Variants in PATJ observed in about 807,000 individuals in gnomAD.
The protein encoded by PATJ is PATJ crumbs cell polarity complex component.
A neutral mutation model predicts 224.9 loss-of-function variants in PATJ; 190 were observed. That is an observed-to-expected ratio of 0.84 (90% confidence interval 0.75 to 0.95). The LOEUF is 0.95. PATJ is among the 40% of genes least tolerant of loss of function. The probability of loss-of-function intolerance (pLI) is 0.00; values close to 1 mark genes in which losing one functional copy is unlikely to be tolerated. For synonymous variants in PATJ, 769 were observed against 820.3 expected (o/e 0.94, Z 1.07); for missense variants, 2,121 against 2,270.3 (o/e 0.93, Z 1.34).
chr1:62,073,251 G>A, intron 31 of PATJ: 1 of 985,252 alleles, frequency 1.0e-6, no homozygotes, highest in Non-Finnish European at 1.2e-6. Flanking sequence ...AGCCACAACT[G>A]TATCATTGAT....
chr1:61,869,284 T>C (rs868200418), intron 20 of PATJ, among the ~76,000 whole-genome samples: 4 of 151,488 alleles, frequency 2.6e-5, no homozygotes, highest in Admixed American at 6.6e-5. Flanking sequence ...TTTTTTGTAT[T>C]TTTAGTAGAG....
intron 31 of PATJ, among the ~76,000 whole-genome samples, chr1:62,072,221 T>TA: frequency 6.6e-6 from 1 of 152,348 alleles, no homozygotes; most frequent in African/African-American, 2.4e-5. Flanking sequence ...AAGTCTGGAT[T>TA]CTGCACTCCT....
intron 27 of PATJ, among the ~76,000 whole-genome samples, chr1:61,977,472 G>A (rs919759805): frequency 1.3e-5 from 2 of 152,022 alleles, no homozygotes; most frequent in Non-Finnish European, 2.9e-5. Context: ...CTTTCCCAGT[G>A]TAAGAAAAAG....
chr1:61,848,597 T>C (rs1455156544), intron 17 of PATJ, among the ~76,000 whole-genome samples: 2 of 152,092 alleles, frequency 1.3e-5, no homozygotes, highest in African/African-American at 4.8e-5. Flanking sequence ...TTAATGTTTT[T>C]TAGAGACAAA....
At chr1:62,012,375 T>C (rs1646505466) in intron 28 of PATJ, among the ~76,000 whole-genome samples, 1 of 152,240 alleles carries the variant, frequency 6.6e-6, no homozygotes. Flanking sequence ...AATGAGATAC[T>C]GTGCATAATG....
chr1:61,960,205 G>A (rs905481452), intron 27 of PATJ, among the ~76,000 whole-genome samples: 1 of 152,026 alleles, frequency 6.6e-6, no homozygotes, highest in African/African-American at 2.4e-5. Context: ...TAATCTTTCT[G>A]AAACATATTC....
At chr1:62,058,059 T>G (rs1654834241) in intron 31 of PATJ, among the ~76,000 whole-genome samples, 1 of 152,268 alleles carries the variant, frequency 6.6e-6, no homozygotes. Context: ...TTGTCTTTAC[T>G]GTTGTCTTTC....
intron 29 of PATJ, among the ~76,000 whole-genome samples, chr1:62,033,682 T>C (rs1272266658): frequency 6.6e-6 from 1 of 152,148 alleles, no homozygotes; most frequent in African/African-American, 2.4e-5. Context: ...GGCCCTTACA[T>C]GAGGTAAATA....
At chr1:61,792,385 G>A (rs1223380628) in intron 9 of PATJ, among the ~76,000 whole-genome samples, 1 of 152,154 alleles carries the variant, frequency 6.6e-6, no homozygotes, top group Admixed American at 6.5e-5. Flanking sequence ...TGTTAAGTCT[G>A]GTTAGAGGAA....
intron 1 of PATJ, among the ~76,000 whole-genome samples, chr1:61,744,736 G>A (rs74445067): frequency 8.5e-5 from 13 of 152,080 alleles, no homozygotes; most frequent in Non-Finnish European, 1.8e-4. Flanking sequence ...CTAACAGTTC[G>A]ATTCTGAAAC....
intron 27 of PATJ, among the ~76,000 whole-genome samples, chr1:61,971,854 TG>T (rs879513098): frequency 1.3e-5 from 2 of 149,334 alleles, no homozygotes; most frequent in Middle Eastern, 3.5e-3. Context: ...CCAGGTACAA[TG>T]GTGGGTACCT....
chr1:62,141,422 C>G (rs1225801763), intron 41 of PATJ, among the ~76,000 whole-genome samples: 1 of 152,168 alleles, frequency 6.6e-6, no homozygotes, highest in African/African-American at 2.4e-5. Context: ...TGCCTGTAAT[C>G]CCAGCACTTT....
At chr1:61,768,831 C>T (rs559456461) in intron 4 of PATJ, among the ~76,000 whole-genome samples, 1 of 151,966 alleles carries the variant, frequency 6.6e-6, no homozygotes, top group East Asian at 1.9e-4. Flanking sequence ...GCCCAGAAGA[C>T]GGAGACTGAA....
chr1:62,094,807 A>G (rs934956371), intron 33 of PATJ, among the ~76,000 whole-genome samples: 1 of 152,196 alleles, frequency 6.6e-6, no homozygotes, highest in Non-Finnish European at 1.5e-5. Flanking sequence ...GATTTTGTAA[A>G]TGAATATTAG....
At chr1:61,815,115 G>T (rs1011014143) in intron 14 of PATJ, among the ~76,000 whole-genome samples, 3 of 152,206 alleles carry the variant, frequency 2.0e-5, no homozygotes, top group Non-Finnish European at 2.9e-5. Flanking sequence ...GCATAACTGG[G>T]GTGGGGGACA....
intron 26 of PATJ, among the ~76,000 whole-genome samples, chr1:61,924,416 T>G (rs1359076003): frequency 6.6e-6 from 1 of 152,196 alleles, no homozygotes; most frequent in South Asian, 2.1e-4. Flanking sequence ...CTAAAAACTC[T>G]TGGCTATTTT....
intron 27 of PATJ, among the ~76,000 whole-genome samples, chr1:61,951,231 T>C (rs1679622808): frequency 6.6e-6 from 1 of 152,164 alleles, no homozygotes; most frequent in South Asian, 2.1e-4. Flanking sequence ...ATTCTAGCTC[T>C]GTAATTGGAG....
intron 22 of PATJ, among the ~76,000 whole-genome samples, chr1:61,891,682 C>G (rs1008472632): frequency 6.6e-6 from 1 of 152,092 alleles, no homozygotes; most frequent in African/African-American, 2.4e-5. Flanking sequence ...CTACAGAAGG[C>G]CAGAAGAGAC....
At chr1:61,894,783 G>A (rs1229352637) in intron 22 of PATJ, among the ~76,000 whole-genome samples, 1 of 152,202 alleles carries the variant, frequency 6.6e-6, no homozygotes, top group East Asian at 1.9e-4. Flanking sequence ...AAGCGACTTT[G>A]GAACTGGCTA....
Sources: allele counts gnomAD v4.1 joint callset (sites outside exome capture counted in the v4.1 genomes callset), GRCh38; gene constraint gnomAD v4.1.1; transcripts MANE v1.5; gene names NCBI Gene and HGNC (gene_info 2026-07-23, HGNC 2026-07-21).